Variants in PTBP3 observed in about 807,000 individuals in gnomAD.
PTBP3 encodes the protein polypyrimidine tract-binding protein 3.
PTBP3 carries 20 observed loss-of-function variants against 58.7 expected under a neutral mutation model. The ratio of observed to expected loss-of-function variants is 0.34; its 90% CI spans 0.24 to 0.50. The LOEUF (loss-of-function observed/expected upper bound fraction) is 0.50. Among genes scored for constraint, PTBP3 ranks in the 20% least tolerant of loss-of-function variants. PTBP3 has a pLI of 0.98. For synonymous variants in PTBP3, 185 were observed against 219.8 expected (o/e 0.84, Z 1.40); for missense variants, 509 against 637.2 (o/e 0.80, Z 2.17).
chr9:112,222,179 A>G lies in PTBP3; in HGVS notation c.*1672T>C, dbSNP rs1045622500. The G allele has an allele frequency of 1.0e-6, 1 of 985,398 alleles. No individual in the cohort carries two copies. Among genetic ancestry groups the G allele is most frequent in the Admixed American group, 6.1e-5 (1 of 16,268 alleles). 61.0% of individuals were successfully genotyped at this position (985,398 alleles called of 1,614,324 possible). A position where few individuals can be genotyped will look rare whatever the true frequency, so the allele number is the denominator to read the frequency against. On this transcript the variant is annotated 3_prime_UTR_variant, in exon 14 of 14. Transcript: ENST00000374257. Reference sequence around the variant, plus strand: ...AAAGTGTAAAAGGGGTAGACAAAAAAATGACCCTTTTGACAAATTCTGCTT... The same window carrying G: ...AAAGTGTAAAAGGGGTAGACAAAAAGATGACCCTTTTGACAAATTCTGCTT...
the PTBP3 span, among the ~76,000 whole-genome samples, chr9:112,342,572 C>T: frequency 3.3e-5 from 5 of 152,036 alleles, no homozygotes; most frequent in African/African-American, 9.7e-5. Flanking sequence ...AAAAAGTAGT[C>T]GAGCATGGTG....
intron 1 of PTBP3, among the ~76,000 whole-genome samples, chr9:112,319,694 G>A (rs1428927174): frequency 1.5e-5 from 2 of 132,600 alleles, no homozygotes; most frequent in Admixed American, 1.5e-4. Context: ...AGAGGAAATG[G>A]AGTCAGTATG....
At chr9:112,363,749 G>A in the PTBP3 span, among the ~76,000 whole-genome samples, 1 of 152,002 alleles carries the variant, frequency 6.6e-6, no homozygotes, top group African/African-American at 2.4e-5. Flanking sequence ...CAGAAAAATT[G>A]AGCAAAAAGT....
chr9:112,240,982 GT>G (rs1835636101), intron 7 of PTBP3, among the ~76,000 whole-genome samples: 1 of 152,152 alleles, frequency 6.6e-6, no homozygotes, highest in Non-Finnish European at 1.5e-5. Context: ...TCTACACAAT[GT>G]GCTTGTGTTT....
chr9:112,355,544 G>A, the PTBP3 span, among the ~76,000 whole-genome samples: 1 of 151,546 alleles, frequency 6.6e-6, no homozygotes, highest in Admixed American at 6.6e-5. Context: ...TCAAAGACCC[G>A]TCTTCTTTTG....
At chr9:112,310,310 A>G (rs1314861297) in intron 1 of PTBP3, among the ~76,000 whole-genome samples, 3 of 152,232 alleles carry the variant, frequency 2.0e-5, no homozygotes, top group Non-Finnish European at 2.9e-5. Context: ...TAACAACAAA[A>G]TATCAACACT....
chr9:112,233,976 C>A (rs773534581), intron 8 of PTBP3, among the ~76,000 whole-genome samples: 16 of 151,042 alleles, frequency 1.1e-4, no homozygotes, highest in Non-Finnish European at 2.2e-4. Flanking sequence ...GTTAAAATTC[C>A]CAGAATTCAA....
In PTBP3 at chr9:112,326,780, G is replaced by T. The variant is rs1397038889; in HGVS notation, c.-52+6690C>A. On this transcript the variant is annotated intron_variant, in intron 1 of 13. Coordinates refer to ENST00000374257, the MANE Select transcript of PTBP3 (RefSeq NM_001163788.4). ...ATAAGCCAGCCAGTTAATAATTAAA[G>T]TATAAGCTGTACACACACAAAATGC... Among the ~76,000 whole-genome samples the T allele has an allele frequency of 6.6e-5, 10 of 152,294 alleles. 2 individuals carry two copies. The South Asian group carries it at 1.9e-3, about 28-fold the overall frequency.
intron 1 of PTBP3, among the ~76,000 whole-genome samples, chr9:112,325,476 C>T (rs942243941): frequency 1.3e-5 from 2 of 151,968 alleles, no homozygotes; most frequent in African/African-American, 4.8e-5. Context: ...TTCCACTCTC[C>T]TCACCCTTCA....
chr9:112,290,474 C>G (rs1043951649), intron 2 of PTBP3, among the ~76,000 whole-genome samples: 6 of 151,678 alleles, frequency 4.0e-5, no homozygotes, highest in African/African-American at 1.5e-4. Context: ...GAGTTCGAGA[C>G]CAGCCTGGCC....
At chr9:112,365,168 CTATG>C in the PTBP3 span, among the ~76,000 whole-genome samples, 97,725 of 147,596 alleles carry the variant, frequency 0.66, 32,431 homozygotes, top group Middle Eastern at 0.75. Flanking sequence ...ATCTATCTAT[CTATG>C]TATCTATATA....
intron 3 of PTBP3, among the ~76,000 whole-genome samples, chr9:112,275,497 G>A (rs772968648): frequency 6.6e-6 from 1 of 152,156 alleles, no homozygotes; most frequent in Admixed American, 6.5e-5. Context: ...TTTGCCAAAT[G>A]AGGTATAATT....
intron 2 of PTBP3, among the ~76,000 whole-genome samples, chr9:112,294,292 T>G (rs972921981): frequency 3.3e-5 from 5 of 152,062 alleles, no homozygotes; most frequent in Non-Finnish European, 5.9e-5. Context: ...GAAGGAGGAT[T>G]GATTGATTGA....
chr9:112,238,006 G>A (rs976587723), intron 7 of PTBP3, among the ~76,000 whole-genome samples: 4 of 152,072 alleles, frequency 2.6e-5, no homozygotes, highest in African/African-American at 9.7e-5. Flanking sequence ...AATGCTGCAG[G>A]CAAGCAAATT....
intron 1 of PTBP3, among the ~76,000 whole-genome samples, chr9:112,308,103 T>G (rs545725841): frequency 1.3e-5 from 2 of 152,170 alleles, no homozygotes; most frequent in African/African-American, 4.8e-5. Flanking sequence ...CAGGATGGAG[T>G]ACAGCGGCAT....
rs187835408 is a variant in PTBP3 at position 112,310,962 on chromosome 9, G to A, written c.-51-13046C>T. ...AGTAAAGAGATTAGAGAGAAGGTGT[G>A]TCATAGCATGCAGGGCCTTAACGGC... On this transcript the variant is annotated intron_variant, in intron 1 of 13. Transcript: ENST00000374257. 2.6e-3 allele frequency among the ~76,000 whole-genome samples: 392 copies of A among 152,346 alleles called. 1 individual carries two copies. Among genetic ancestry groups the A allele is most frequent in the African/African-American group, 8.9e-3 (370 of 41,572 alleles).
chr9:112,247,467 G>T (rs1250378441), intron 7 of PTBP3, among the ~76,000 whole-genome samples: 1 of 151,770 alleles, frequency 6.6e-6, no homozygotes, highest in Non-Finnish European at 1.5e-5. Context: ...ACTTTGGGAG[G>T]CTGAGGTGGG....
Position 112,320,314 on chromosome 9 carries a change from A to ATATATATATATTTTTT in PTBP3, c.-52+13155_-52+13156insAAAAAATATATATATA. On this transcript the variant is annotated intron_variant, in intron 1 of 13. Transcript: ENST00000374257. Reference sequence around the variant, plus strand: ...AAAATATATATATATATATATATATATTTTTTTTTAAGTGTTATCACCAGA... The same window carrying ATATATATATATTTTTT: ...AAAATATATATATATATATATATATATATATATATATTTTTTTTTTTTTTTAAGTGTTATCACCAGA... 9.4e-3 allele frequency among the ~76,000 whole-genome samples: 709 copies of ATATATATATATTTTTT among 75,510 alleles called. 9 individuals are homozygous for ATATATATATATTTTTT. Among genetic ancestry groups the ATATATATATATTTTTT allele is most frequent in the Non-Finnish European group, 0.013 (563 of 43,448 alleles). The allele number at this position is 75,510 out of a possible 152,430, so 49.5% of individuals were successfully genotyped here. A position where few individuals can be genotyped will look rare whatever the true frequency, so the allele number is the denominator to read the frequency against.
chr9:112,261,817 A>T (rs1473643147), intron 5 of PTBP3, among the ~76,000 whole-genome samples: 1 of 152,236 alleles, frequency 6.6e-6, no homozygotes, highest in Non-Finnish European at 1.5e-5. Context: ...TGGCTCTTCA[A>T]TTACGCTCTA....
Sources: gnomAD v4.1 joint callset for allele counts (sites outside exome capture counted in the v4.1 genomes callset) on GRCh38, gnomAD v4.1.1 for gene constraint, MANE v1.5 for transcripts, NCBI Gene and HGNC (gene_info 2026-07-23, HGNC 2026-07-21) for gene names.